Variants in GSTCD observed in about 807,000 individuals in gnomAD.
The protein encoded by GSTCD is glutathione S-transferase C-terminal domain-containing protein.
A neutral mutation model predicts 68.3 loss-of-function variants in GSTCD; 44 were observed. The ratio of observed to expected loss-of-function variants is 0.64; its 90% CI spans 0.51 to 0.83. The LOEUF (loss-of-function observed/expected upper bound fraction) is 0.83. Among genes scored for constraint, GSTCD ranks in the 40% least tolerant of loss-of-function variants. The pLI, the probability that GSTCD is intolerant of heterozygous loss-of-function variation, is 0.00. For synonymous variants in GSTCD, 273 were observed against 255.2 expected, an observed-to-expected ratio of 1.07 and a Z score of -0.67; for missense variants, 739 against 735.9, an observed-to-expected ratio of 1.00 and a Z score of -0.05.
chr4:105,794,830 TC>T lies in GSTCD; in HGVS notation c.1241-28123del, dbSNP rs570088100. Among the ~76,000 whole-genome samples the T allele has an allele frequency of 5.4e-3, 541 of 100,638 alleles. 4 individuals carry two copies. The highest frequency in any genetic ancestry group is 1.0e-2 in the Admixed American group (105 of 10,540). 66.0% of individuals were successfully genotyped at this position (100,638 alleles called of 152,430 possible). A position where few individuals can be genotyped will look rare whatever the true frequency, so the allele number is the denominator to read the frequency against. ...TTTTTATTATTTCTGCTTTTATCTATCTATCTATTTATCTATCTATCTATCT... is the reference window on the plus strand; with the variant it reads ...TTTTTATTATTTCTGCTTTTATCTATTATCTATTTATCTATCTATCTATCT... On this transcript the variant is annotated intron_variant, in intron 5 of 11. Transcript: ENST00000515279.
At chr4:105,810,881 T>TA (rs1184355862) in intron 5 of GSTCD, among the ~76,000 whole-genome samples, 1 of 152,106 alleles carries the variant, frequency 6.6e-6, no homozygotes, top group Admixed American at 6.6e-5. Context: ...CCCTGGGAAA[T>TA]ACAGTTGTCC....
intron 8 of GSTCD, among the ~76,000 whole-genome samples, chr4:105,832,577 C>T (rs1351802612): frequency 2.0e-5 from 3 of 152,170 alleles, no homozygotes; most frequent in Non-Finnish European, 2.9e-5. Flanking sequence ...CCGCCTGATA[C>T]ATGGGGTCAG....
intron 5 of GSTCD, among the ~76,000 whole-genome samples, chr4:105,732,943 A>G (rs1733306629): frequency 6.6e-6 from 1 of 152,112 alleles, no homozygotes; most frequent in South Asian, 2.1e-4. Context: ...TCATTTCGTT[A>G]TGTACCCAGT....
chr4:105,795,165 C>T (rs554620099), intron 5 of GSTCD, among the ~76,000 whole-genome samples: 1 of 152,114 alleles, frequency 6.6e-6, no homozygotes, highest in African/African-American at 2.4e-5. Flanking sequence ...CATGAGCCAC[C>T]CTTCCTTGTA....
At chr4:105,813,858 A>T (rs970500119) in intron 5 of GSTCD, among the ~76,000 whole-genome samples, 4 of 152,148 alleles carry the variant, frequency 2.6e-5, no homozygotes, top group African/African-American at 9.7e-5. Flanking sequence ...AATTTCAACC[A>T]TATTATTCTA....
At chr4:105,834,702 T>G in intron 9 of GSTCD, 108 bp downstream of exon 9, 2 of 849,610 alleles carry the variant, frequency 2.4e-6, no homozygotes, top group Non-Finnish European at 3.6e-6. Flanking sequence ...CATTTCTTCT[T>G]TCCACAATGC....
intron 5 of GSTCD, among the ~76,000 whole-genome samples, chr4:105,740,875 A>G (rs914158728): frequency 2.3e-4 from 35 of 152,138 alleles, no homozygotes; most frequent in African/African-American, 8.0e-4. Flanking sequence ...GTTCAAGACT[A>G]TTACACAAAT....
At chr4:105,739,210 G>A (rs1046917827) in intron 5 of GSTCD, among the ~76,000 whole-genome samples, 1 of 152,156 alleles carries the variant, frequency 6.6e-6, no homozygotes, top group African/African-American at 2.4e-5. Context: ...AATGAGTGTT[G>A]TAATGTGCTG....
intron 5 of GSTCD, among the ~76,000 whole-genome samples, chr4:105,817,953 G>A (rs1298386970): frequency 6.6e-6 from 1 of 151,882 alleles, no homozygotes; most frequent in Non-Finnish European, 1.5e-5. Flanking sequence ...ATAATGCCTT[G>A]AAATGCAGTT....
chr4:105,744,642 C>T (rs1489183810), intron 5 of GSTCD, among the ~76,000 whole-genome samples: 1 of 152,056 alleles, frequency 6.6e-6, no homozygotes, highest in Non-Finnish European at 1.5e-5. Context: ...ACTTTTGACC[C>T]CTTGGAAATG....
chr4:105,825,572 AC>A, intron 7 of GSTCD, 99 bp from the exon 8 acceptor site: 1 of 681,506 alleles, frequency 1.5e-6, no homozygotes, highest in East Asian at 2.7e-5. Flanking sequence ...TCAATATAAT[AC>A]GTTCTACATT....
At chr4:105,751,996 A>G (rs1734024891) in intron 5 of GSTCD, among the ~76,000 whole-genome samples, 1 of 152,144 alleles carries the variant, frequency 6.6e-6, no homozygotes, top group African/African-American at 2.4e-5. Flanking sequence ...ATTAAATTCA[A>G]GTTTTATACT....
rs188981952 is a variant in GSTCD, at chr4:105,768,424, A to G, written c.1240+38925A>G. ...TTTGAAAATTAGTTCTTAGCAGTCT[A>G]TAGGTTTAAAAATTTTCCTTTAGAA... On this transcript the variant is annotated intron_variant, in intron 5 of 11. Transcript: ENST00000515279. Among the ~76,000 whole-genome samples, 325 of 152,234 alleles carry G rather than the reference A, an allele frequency of 2.1e-3. 2 individuals carry two copies. The highest frequency in any genetic ancestry group is 8.9e-3 in the East Asian group (46 of 5,174).
intron 8 of GSTCD, among the ~76,000 whole-genome samples, chr4:105,829,641 C>T (rs910417738): frequency 2.0e-5 from 3 of 152,268 alleles, no homozygotes; most frequent in South Asian, 4.2e-4. Flanking sequence ...GACCCACCCC[C>T]ATCATACAGT....
chr4:105,797,550 C>T (rs1735944091), intron 5 of GSTCD, among the ~76,000 whole-genome samples: 1 of 152,042 alleles, frequency 6.6e-6, no homozygotes, highest in South Asian at 2.1e-4. Flanking sequence ...GAACCTTCAG[C>T]AAGTCATAAT....
chr4:105,757,655 T>G (rs776604159), intron 5 of GSTCD, among the ~76,000 whole-genome samples: 1 of 152,202 alleles, frequency 6.6e-6, no homozygotes, highest in Non-Finnish European at 1.5e-5. Context: ...ATTTTATATC[T>G]CTGTATCAAA....
At chr4:105,797,004 A>G (rs1192798475) in intron 5 of GSTCD, among the ~76,000 whole-genome samples, 1 of 151,804 alleles carries the variant, frequency 6.6e-6, no homozygotes, top group African/African-American at 2.4e-5. Flanking sequence ...TGACTTGGGT[A>G]TGGAGAAAGG....
intron 7 of GSTCD, among the ~76,000 whole-genome samples, chr4:105,824,586 T>C (rs1327141505): frequency 1.3e-5 from 2 of 152,216 alleles, no homozygotes; most frequent in South Asian, 2.1e-4. Context: ...TTAATTCTTT[T>C]CATTTTTTTC....
At chr4:105,766,846 A>G (rs1734625176) in intron 5 of GSTCD, among the ~76,000 whole-genome samples, 1 of 143,392 alleles carries the variant, frequency 7.0e-6, no homozygotes, top group Non-Finnish European at 1.5e-5. Flanking sequence ...TATACTCAGA[A>G]GATGGATTAG....
Sources: allele counts gnomAD v4.1 joint callset (sites outside exome capture counted in the v4.1 genomes callset), GRCh38; gene constraint gnomAD v4.1.1; transcripts MANE v1.5; gene names NCBI Gene and HGNC (gene_info 2026-07-23, HGNC 2026-07-21).